Variants in XKR4 observed in about 807,000 individuals in gnomAD.
The protein encoded by XKR4 is XK-related protein 4.
In XKR4, 12 loss-of-function variants were observed where a neutral mutation model predicts 53.9. The ratio of observed to expected loss-of-function variants is 0.22; its 90% confidence interval spans 0.14 to 0.36. XKR4 has a LOEUF of 0.36. XKR4 is among the 10% of genes least tolerant of loss of function. XKR4 has a pLI of 1.00. For synonymous variants in XKR4, 354 were observed against 362.4 expected (o/e 0.98, Z 0.26); for missense variants, 799 against 859.5 (o/e 0.93, Z 0.88).
At chr8:55,436,957 A>T (rs1805186257) in intron 2 of XKR4, among the ~76,000 whole-genome samples, 1 of 152,134 alleles carries the variant, frequency 6.6e-6, no homozygotes, top group Admixed American at 6.5e-5. Flanking sequence ...TTCCATTGTT[A>T]GTTCTGCCCG....
At chr8:55,145,689 G>C (rs1816764843) in intron 1 of XKR4, among the ~76,000 whole-genome samples, 1 of 152,164 alleles carries the variant, frequency 6.6e-6, no homozygotes, top group African/African-American at 2.4e-5. Flanking sequence ...ACCTAAAAGA[G>C]ATTTAAATAG....
At chr8:55,147,479 G>A (rs1816785891) in intron 1 of XKR4, among the ~76,000 whole-genome samples, 1 of 152,190 alleles carries the variant, frequency 6.6e-6, no homozygotes, top group African/African-American at 2.4e-5. Context: ...TTTTAATTAT[G>A]AAGCACAAAC....
At chr8:55,462,345 C>T (rs1805672729) in intron 2 of XKR4, among the ~76,000 whole-genome samples, 1 of 152,106 alleles carries the variant, frequency 6.6e-6, no homozygotes, top group Admixed American at 6.6e-5. Flanking sequence ...AAAGAATTTT[C>T]AACCCAGAAT....
intron 2 of XKR4, among the ~76,000 whole-genome samples, chr8:55,477,899 AC>A (rs1265164351): frequency 1.3e-5 from 2 of 152,148 alleles, no homozygotes; most frequent in Non-Finnish European, 2.9e-5. Flanking sequence ...GAAATAAGGG[AC>A]TATGTGAAAA....
At chr8:55,126,261 T>C (rs112650071) in intron 1 of XKR4, among the ~76,000 whole-genome samples, 4,936 of 152,232 alleles carry the variant, frequency 0.032, 252 homozygotes, top group African/African-American at 0.11. Context: ...GTAATGGCTG[T>C]GTGCTGGGAA....
Position 55,430,388 on chromosome 8 carries a change from G to T in XKR4, c.1006+72511G>T, listed in dbSNP as rs542505016. ...GCTTTATTTGTAATACCCCAAACTG[G>T]AAACAATCTACATTTCCTTCAACCG... is the stretch of plus-strand genomic sequence containing the variant. On this transcript the variant is annotated intron_variant, in intron 2 of 2. Coordinates refer to ENST00000327381, the MANE Select transcript of XKR4 (RefSeq NM_052898.2). Among the ~76,000 whole-genome samples the T allele has an allele frequency of 2.2e-4, 33 of 152,246 alleles. 1 individual carries two copies. The South Asian group carries it at 6.8e-3, about 32-fold the overall frequency.
At chr8:55,395,924 C>T (rs1380588670) in intron 2 of XKR4, among the ~76,000 whole-genome samples, 2 of 152,144 alleles carry the variant, frequency 1.3e-5, no homozygotes, top group Non-Finnish European at 2.9e-5. Flanking sequence ...ATTGAAAAAC[C>T]CACTGTCTGC....
At chr8:55,130,433 G>A (rs188426679) in intron 1 of XKR4, among the ~76,000 whole-genome samples, 258 of 152,332 alleles carry the variant, frequency 1.7e-3, no homozygotes, top group African/African-American at 6.1e-3. Context: ...GGGGCTGTGT[G>A]CCTGGAGCAC....
At chr8:55,231,597 C>CA (rs1476307483) in intron 1 of XKR4, among the ~76,000 whole-genome samples, 1 of 150,350 alleles carries the variant, frequency 6.7e-6, no homozygotes, top group Admixed American at 6.6e-5. Flanking sequence ...GTAGCACAGA[C>CA]AAAAAAAGGG....
intron 1 of XKR4, among the ~76,000 whole-genome samples, chr8:55,289,627 A>AAGAC (rs1818959937): frequency 7.1e-6 from 1 of 140,054 alleles, no homozygotes; most frequent in Admixed American, 7.1e-5. Context: ...GAAAGAAAGA[A>AAGAC]AGAAAGAAAG....
At chr8:55,422,242 T>A (rs1414250503) in intron 2 of XKR4, among the ~76,000 whole-genome samples, 1 of 152,094 alleles carries the variant, frequency 6.6e-6, no homozygotes, top group Non-Finnish European at 1.5e-5. Context: ...CTAAAAGATA[T>A]AAAAAATATA....
intron 1 of XKR4, among the ~76,000 whole-genome samples, chr8:55,236,554 CATGACCG>C: frequency 6.6e-6 from 1 of 152,258 alleles, no homozygotes; most frequent in East Asian, 1.9e-4. Context: ...TCAAATGCTG[CATGACCG>C]ATAAACCTCC....
Position 55,454,876 on chromosome 8 carries a change from G to A in XKR4, c.1007-68405G>A, listed in dbSNP as rs1164728528. The A allele has an allele frequency of 1.4e-5, 11 of 763,658 alleles. No individual in the cohort carries two copies. The East Asian group carries it at 1.7e-4, about 12-fold the overall frequency. The allele number at this position is 763,658 out of a possible 1,614,324, so 47.3% of individuals were successfully genotyped here. On this transcript the variant is annotated intron_variant, in intron 2 of 2. Coordinates refer to ENST00000327381, the MANE Select transcript of XKR4 (RefSeq NM_052898.2). ...TCCCACTCAGTGGCATCCTTAGCGC[G>A]TGTCGTTTCCTGCTCCCAGAAGGTC...
chr8:55,200,333 G>T (rs1817563932), intron 1 of XKR4, among the ~76,000 whole-genome samples: 1 of 152,206 alleles, frequency 6.6e-6, no homozygotes, highest in African/African-American at 2.4e-5. Context: ...CTCCCAAAGT[G>T]CTGGGATTAC....
rs558112966 is a variant in XKR4, at chr8:55,102,040, G to C, written c.-449G>C. On this transcript the variant is annotated 5_prime_UTR_variant, in exon 1 of 3. Transcript: ENST00000327381. This position sits in a 1 kb window ranked among gnomAD's most constrained non-coding sequence, Gnocchi z 5.1. Reference sequence around the variant, plus strand: ...AAGGGATGAGGTCATCCTCTCCCTCGGAGTCAGCTGGTGGAGGAGAGGAAG... The same window carrying C: ...AAGGGATGAGGTCATCCTCTCCCTCCGAGTCAGCTGGTGGAGGAGAGGAAG... Among the ~76,000 whole-genome samples, 2 of 152,156 alleles carry C rather than the reference G, an allele frequency of 1.3e-5. No individual in the cohort carries two copies. The highest frequency in any genetic ancestry group is 1.9e-4 in the East Asian group (1 of 5,132).
At chr8:55,397,226 T>A (rs937051939) in intron 2 of XKR4, among the ~76,000 whole-genome samples, 1 of 152,246 alleles carries the variant, frequency 6.6e-6, no homozygotes, top group Non-Finnish European at 1.5e-5. Context: ...ACATTCACTG[T>A]ACTTCTTTGG....
intron 1 of XKR4, among the ~76,000 whole-genome samples, chr8:55,152,856 G>T (rs1816856526): frequency 6.6e-6 from 1 of 152,212 alleles, no homozygotes; most frequent in Admixed American, 6.5e-5. Context: ...GCCTAGGCAA[G>T]TTACTTCATG....
chr8:55,203,954 G>A (rs894811113), intron 1 of XKR4, among the ~76,000 whole-genome samples: 3 of 152,174 alleles, frequency 2.0e-5, no homozygotes, highest in South Asian at 2.1e-4. Context: ...TTCACTGGAA[G>A]AGATGTGTAC....
At chr8:55,127,169 GC>G (rs1249934946) in intron 1 of XKR4, among the ~76,000 whole-genome samples, 1 of 151,452 alleles carries the variant, frequency 6.6e-6, no homozygotes, top group Admixed American at 6.6e-5. Flanking sequence ...CAGCTAAAAT[GC>G]CCCCCAAAAG....
Sources: allele counts gnomAD v4.1 joint callset (sites outside exome capture counted in the v4.1 genomes callset), GRCh38; gene constraint gnomAD v4.1.1; non-coding constraint Gnocchi (gnomAD v3.1); transcripts MANE v1.5; gene names NCBI Gene and HGNC (gene_info 2026-07-23, HGNC 2026-07-21).